Variants in NMNAT2 observed in about 807,000 individuals in gnomAD.
NMNAT2 encodes the protein nicotinamide nucleotide adenylyltransferase 2, also known as nicotinamide/nicotinic acid mononucleotide adenylyltransferase 2.
NMNAT2 carries 11 observed loss-of-function variants against 41.6 expected under a neutral mutation model. That is an observed-to-expected ratio of 0.26 (90% CI 0.17 to 0.44). The LOEUF (loss-of-function observed/expected upper bound fraction) is 0.44. Ranked by LOEUF, NMNAT2 falls within the 20% of genes least tolerant of loss-of-function variation. The pLI, the probability that NMNAT2 is intolerant of heterozygous loss-of-function variation, is 1.00. For missense variants in NMNAT2, 288 were observed against 407.7 expected, an observed-to-expected ratio of 0.71 and a Z score of 2.53; for synonymous variants, 148 against 151.2, an observed-to-expected ratio of 0.98 and a Z score of 0.16.
intron 1 of NMNAT2, among the ~76,000 whole-genome samples, chr1:183,374,844 C>T (rs185444005): frequency 1.3e-5 from 2 of 152,240 alleles, no homozygotes; most frequent in African/African-American, 4.8e-5. Context: ...TGTCACTTCC[C>T]CAGATGCTCC....
Position 183,252,605 on chromosome 1 carries a change from G to A in NMNAT2, c.*36C>T, listed in dbSNP as rs753221666. 2 of 1,370,648 alleles carry A rather than the reference G, an allele frequency of 1.5e-6. No homozygotes were observed. Among genetic ancestry groups the A allele is most frequent in the Non-Finnish European group, 1.0e-6 (1 of 957,466 alleles). 84.9% of individuals were successfully genotyped at this position (1,370,648 alleles called of 1,614,324 possible). ...AGAGAAACAGGGGGCTGACAAAGAT[G>A]GAGGGGCCATTGTGTTGCCGGAGGA... On this transcript the variant is annotated 3_prime_UTR_variant, in exon 11 of 11. Coordinates refer to ENST00000287713, the MANE Select transcript of NMNAT2 (RefSeq NM_015039.4).
intron 1 of NMNAT2, among the ~76,000 whole-genome samples, chr1:183,358,600 G>A (rs1443483482): frequency 6.6e-6 from 1 of 152,150 alleles, no homozygotes; most frequent in Admixed American, 6.5e-5. Flanking sequence ...ATTGAGAAGG[G>A]AGAGCTGGAG....
At chr1:183,398,593 A>G (rs1354699680) in intron 1 of NMNAT2, among the ~76,000 whole-genome samples, 1 of 152,180 alleles carries the variant, frequency 6.6e-6, no homozygotes, top group Non-Finnish European at 1.5e-5. Context: ...TCCACCCCAA[A>G]TCAACAGAAT....
At position 183,345,656 on chromosome 1, in the gene NMNAT2, G is replaced by T. The variant is rs555987954; in HGVS notation, c.86-51863C>A. On this transcript the variant is annotated intron_variant, in intron 1 of 10. Transcript: ENST00000287713. ...CGGCCCCTCGACCTGGGACTTCTCA[G>T]CTTTCATAACTACAAGAAATAATAT... 2.0e-5 allele frequency among the ~76,000 whole-genome samples: 3 copies of T among 151,574 alleles called. No homozygotes were observed. In the South Asian group the frequency reaches 6.3e-4, roughly 32 times the overall value.
chr1:183,416,598 T>C (rs1294646246), intron 1 of NMNAT2, among the ~76,000 whole-genome samples: 1 of 152,192 alleles, frequency 6.6e-6, no homozygotes, highest in Non-Finnish European at 1.5e-5. Context: ...CAAGTTGGCA[T>C]TGGTTCTTAA....
At chr1:183,402,102 C>T (rs1425963276) in intron 1 of NMNAT2, among the ~76,000 whole-genome samples, 9 of 151,980 alleles carry the variant, frequency 5.9e-5, no homozygotes, top group African/African-American at 4.8e-5. Flanking sequence ...GTAGTCAAGC[C>T]CTAGAGACTG....
chr1:183,279,573 G>T (rs575566590), intron 7 of NMNAT2, among the ~76,000 whole-genome samples: 1 of 152,336 alleles, frequency 6.6e-6, no homozygotes, highest in South Asian at 2.1e-4. Flanking sequence ...CCAGGCGAGA[G>T]ACAGAGAAGC....
intron 1 of NMNAT2, among the ~76,000 whole-genome samples, chr1:183,408,732 T>G (rs1257662187): frequency 4.6e-5 from 7 of 152,188 alleles, no homozygotes; most frequent in Admixed American, 2.0e-4. Flanking sequence ...TTTGATTCCC[T>G]GGGGTATAAC....
At chr1:183,388,281 CA>C (rs1648320228) in intron 1 of NMNAT2, among the ~76,000 whole-genome samples, 1 of 151,270 alleles carries the variant, frequency 6.6e-6, no homozygotes, top group Non-Finnish European at 1.5e-5. Flanking sequence ...GAGGCGCACA[CA>C]TTTATTTGGG....
intron 7 of NMNAT2, 65 bp downstream of exon 7, chr1:183,283,930 T>C: frequency 6.7e-7 from 1 of 1,501,972 alleles, no homozygotes; most frequent in Non-Finnish European, 9.3e-7. Flanking sequence ...CTCCCCATGT[T>C]GCCTGTCGTG....
chr1:183,342,334 AT>A (rs534918535), intron 1 of NMNAT2, among the ~76,000 whole-genome samples: 18 of 152,220 alleles, frequency 1.2e-4, no homozygotes, highest in Non-Finnish European at 2.2e-4. Flanking sequence ...TCAAAACAAA[AT>A]TTTTCCAAAA....
chr1:183,308,641 C>T (rs998820184), intron 1 of NMNAT2, among the ~76,000 whole-genome samples: 3 of 152,140 alleles, frequency 2.0e-5, no homozygotes, highest in Non-Finnish European at 4.4e-5. Flanking sequence ...TCTAATCTGA[C>T]ATGGGAAGAT....
chr1:183,255,925 A>G (rs1660505646), intron 10 of NMNAT2, among the ~76,000 whole-genome samples: 1 of 151,728 alleles, frequency 6.6e-6, no homozygotes, highest in South Asian at 2.1e-4. Flanking sequence ...CCGCCTCCCA[A>G]AGTGCTGGGA....
intron 1 of NMNAT2, among the ~76,000 whole-genome samples, chr1:183,379,100 A>T (rs1663745068): frequency 9.2e-6 from 1 of 109,168 alleles, no homozygotes; most frequent in Admixed American, 8.8e-5. Flanking sequence ...ATAATCTATA[A>T]TCTATATCTC....
chr1:183,255,923 C>G (rs1290883467), intron 10 of NMNAT2, among the ~76,000 whole-genome samples: 1 of 151,930 alleles, frequency 6.6e-6, no homozygotes, highest in Non-Finnish European at 1.5e-5. Flanking sequence ...CTCCGCCTCC[C>G]AAAGTGCTGG....
chr1:183,300,489 C>A (rs558071361), intron 1 of NMNAT2, among the ~76,000 whole-genome samples: 2 of 151,548 alleles, frequency 1.3e-5, no homozygotes, highest in Non-Finnish European at 2.9e-5. Context: ...TCTGCCTGAG[C>A]CTTTATCTTG....
chr1:183,352,398 A>G (rs1167265076), intron 1 of NMNAT2, among the ~76,000 whole-genome samples: 2 of 151,988 alleles, frequency 1.3e-5, no homozygotes, highest in East Asian at 1.9e-4. Context: ...ACCCATCTCT[A>G]CTAAAAATAC....
chr1:183,302,385 G>T (rs1179178702), intron 1 of NMNAT2, among the ~76,000 whole-genome samples: 2 of 152,190 alleles, frequency 1.3e-5, no homozygotes, highest in Non-Finnish European at 2.9e-5. Context: ...GGTGGCCTAG[G>T]AAGTCTTCCT....
intron 1 of NMNAT2, among the ~76,000 whole-genome samples, chr1:183,342,022 C>CTTTTT (rs11355849): frequency 7.5e-6 from 1 of 132,562 alleles, no homozygotes; most frequent in Non-Finnish European, 1.6e-5. Flanking sequence ...CCTTCCTCAC[C>CTTTTT]TTTTTTTTTT....
Sources: gnomAD v4.1 joint callset for allele counts (sites outside exome capture counted in the v4.1 genomes callset) on GRCh38, gnomAD v4.1.1 for gene constraint, MANE v1.5 for transcripts, NCBI Gene and HGNC (gene_info 2026-07-23, HGNC 2026-07-21) for gene names.